MYL4: variants seen among roughly 807,000 people sequenced by gnomAD.
The protein encoded by MYL4 is myosin light chain 4.
Under a neutral mutation model 21.6 loss-of-function variants are expected in MYL4, and 16 were observed. That is an observed-to-expected ratio of 0.74 (90% CI 0.50 to 1.12). The LOEUF is 1.12. Ranked by LOEUF, MYL4 falls within the 50% of genes most tolerant of loss-of-function variation. The probability of loss-of-function intolerance (pLI) is 0.00; values close to 1 mark genes in which losing one functional copy is unlikely to be tolerated. For missense variants in MYL4, 249 were observed against 252.9 expected (o/e 0.98, Z 0.11); for synonymous variants, 82 against 95.7 (o/e 0.86, Z 0.83).
At chr17:47,214,644 A>G (rs146263503) in intron 2 of MYL4, among the ~76,000 whole-genome samples, 12 of 152,366 alleles carry the variant, frequency 7.9e-5, no homozygotes, top group Admixed American at 7.8e-4. Flanking sequence ...AGTAAATAAT[A>G]AAAAATAAAA....
downstream of MYL4, among the ~76,000 whole-genome samples, chr17:47,226,312 G>A (rs1191487612): frequency 6.6e-6 from 1 of 152,242 alleles, no homozygotes; most frequent in Non-Finnish European, 1.5e-5. Flanking sequence ...TTTTCTCTGG[G>A]AGAAGGGCTT....
At chr17:47,204,886 C>T (rs1383942816), upstream of MYL4, among the ~76,000 whole-genome samples, 3 of 152,224 alleles carry the variant, frequency 2.0e-5, no homozygotes, top group South Asian at 4.1e-4. Flanking sequence ...CAGGGCATTG[C>T]CCTGTGATGT....
At chr17:47,218,009 C>G (rs1598657763) in intron 2 of MYL4, among the ~76,000 whole-genome samples, 1 of 150,452 alleles carries the variant, frequency 6.6e-6, no homozygotes, top group East Asian at 1.9e-4. Flanking sequence ...ACATTGCACT[C>G]CAGCCTGGGC....
At chr17:47,216,154 T>C (rs1030017180) in intron 2 of MYL4, among the ~76,000 whole-genome samples, 1 of 151,920 alleles carries the variant, frequency 6.6e-6, no homozygotes, top group East Asian at 1.9e-4. Flanking sequence ...TTGCTTCTCA[T>C]CCCTCTCCAG....
chr17:47,210,130 T>C (rs1053692685), intron 1 of MYL4, among the ~76,000 whole-genome samples: 5 of 152,198 alleles, frequency 3.3e-5, no homozygotes, highest in African/African-American at 1.2e-4. Flanking sequence ...TCTCTTTCCT[T>C]ACCCAGACGG....
At chr17:47,215,864 C>T (rs922331161) in intron 2 of MYL4, among the ~76,000 whole-genome samples, 27 of 152,132 alleles carry the variant, frequency 1.8e-4, no homozygotes, top group African/African-American at 6.3e-4. Context: ...TATCATAGCT[C>T]ACGATAACCT....
intron 1 of MYL4, among the ~76,000 whole-genome samples, chr17:47,210,502 G>A (rs886545742): frequency 6.6e-6 from 1 of 152,134 alleles, no homozygotes; most frequent in Non-Finnish European, 1.5e-5. Flanking sequence ...TTAATAACAG[G>A]TTGGGAGTGC....
chr17:47,207,258 C>A (rs934409982), upstream of MYL4, among the ~76,000 whole-genome samples: 1 of 152,084 alleles, frequency 6.6e-6, no homozygotes. Flanking sequence ...CACCAGTGAG[C>A]GTGTATAGGC....
upstream of MYL4, chr17:47,209,049 C>T: frequency 2.9e-6 from 1 of 340,812 alleles, no homozygotes; most frequent in Non-Finnish European, 5.5e-6. Flanking sequence ...ATCAACTGCT[C>T]AAGTCAGCTC....
At chr17:47,192,517 T>C in the MYL4 span, among the ~76,000 whole-genome samples, 646 of 147,404 alleles carry the variant, frequency 4.4e-3, 6 homozygotes, top group African/African-American at 0.016. Context: ...GGCGTGGTGG[T>C]GGGCACCTGT....
rs200874260 is a variant in MYL4, at chr17:47,216,695, C to CTTTTTT, written c.163+2872_163+2873insTTTTTT. 7.0e-5 allele frequency among the ~76,000 whole-genome samples: 10 copies of CTTTTTT among 141,902 alleles called. 2 individuals carry two copies. The highest frequency in any genetic ancestry group is 4.6e-5 in the Non-Finnish European group (3 of 65,006). The allele number at this position is 141,902 out of a possible 152,430, so 93.1% of individuals were successfully genotyped here. A position where few individuals can be genotyped will look rare whatever the true frequency, so the allele number is the denominator to read the frequency against. ...ATCATGACATCTTTTTTTTCTTTTT[C>CTTTTTT]TTTCTTTTTTTTTTTTGAGACAGAG... On this transcript the variant is annotated intron_variant, in intron 2 of 6. Transcript: ENST00000393450.
intron 3 of MYL4, 62 bp from the exon 4 acceptor site, chr17:47,221,620 C>A: frequency 1.3e-6 from 2 of 1,552,378 alleles, no homozygotes; most frequent in Non-Finnish European, 1.7e-6. Context: ...CCCTCTTGAC[C>A]CTCTGCTCCC....
chr17:47,195,303 C>G, the MYL4 span, among the ~76,000 whole-genome samples: 1 of 150,782 alleles, frequency 6.6e-6, no homozygotes, highest in Non-Finnish European at 1.5e-5. Flanking sequence ...GATCTTGGCT[C>G]ACCGCAACCT....
chr17:47,197,362 T>C (rs1421461958), upstream of MYL4, among the ~76,000 whole-genome samples: 1 of 152,124 alleles, frequency 6.6e-6, no homozygotes, highest in East Asian at 1.9e-4. Context: ...CCTCCCAAAG[T>C]GCTGAGATTA....
Position 47,209,380 on chromosome 17 carries a change from T to C in MYL4, c.-43T>C. On this transcript the variant is annotated 5_prime_UTR_variant, in exon 1 of 7. Coordinates refer to ENST00000393450, the MANE Select transcript of MYL4 (RefSeq NM_002476.2). ...CTCCCAGACGCCACGTCTCTCGGTT[T>C]CTTCTTAGATCACTCCTCTGCCAAA... 6.2e-7 allele frequency: 1 copy of C among 1,613,902 alleles called. No individual in the cohort carries two copies.
At chr17:47,222,512 G>A (rs1437073700) in intron 5 of MYL4, 55 bp downstream of exon 5, 3 of 1,570,920 alleles carry the variant, frequency 1.9e-6, no homozygotes, top group Non-Finnish European at 2.6e-6. Context: ...GATGGGAACA[G>A]CTTGGGTGGG....
At chr17:47,197,092 GTTTTTTTTTTTTT>G (rs71365051), upstream of MYL4, among the ~76,000 whole-genome samples, 16 of 113,366 alleles carry the variant, frequency 1.4e-4, no homozygotes, top group Admixed American at 3.7e-4. Context: ...TCCTTAAAGG[GTTTTTTTTTTTTT>G]TTTTTTTTTT....
upstream of MYL4, among the ~76,000 whole-genome samples, chr17:47,204,744 A>G (rs2064721455): frequency 1.3e-5 from 2 of 152,256 alleles, no homozygotes. Context: ...AAAAAAAAAA[A>G]AAAGTTAACT....
chr17:47,223,202 C>A (rs1598662005), intron 6 of MYL4, 145 bp downstream of exon 6: 2 of 749,668 alleles, frequency 2.7e-6, no homozygotes, highest in Non-Finnish European at 4.4e-6. Context: ...CAGCCCTGCT[C>A]ACTCACCATC....
Sources: gnomAD v4.1 joint callset for allele counts (sites outside exome capture counted in the v4.1 genomes callset) on GRCh38, gnomAD v4.1.1 for gene constraint, MANE v1.5 for transcripts, NCBI Gene and HGNC (gene_info 2026-07-23, HGNC 2026-07-21) for gene names.